CAMK2D: variants seen among roughly 807,000 people sequenced by gnomAD.
CAMK2D encodes calcium/calmodulin-dependent protein kinase type II subunit delta.
CAMK2D carries 37 observed loss-of-function variants against 84.0 expected under a neutral mutation model. That is an observed-to-expected ratio of 0.44 (90% confidence interval 0.34 to 0.58). CAMK2D has a LOEUF of 0.58. Among genes scored for constraint, CAMK2D ranks in the 20% least tolerant of loss-of-function variants. CAMK2D has a pLI of 0.02. For synonymous variants in CAMK2D, 202 were observed against 212.5 expected (o/e 0.95, Z 0.43); for missense variants, 448 against 652.5 (o/e 0.69, Z 3.41).
chr4:113,658,288 T>C (rs1456924577), intron 3 of CAMK2D, among the ~76,000 whole-genome samples: 2 of 152,150 alleles, frequency 1.3e-5, no homozygotes, highest in Non-Finnish European at 2.9e-5. Context: ...TCAATTAAGG[T>C]AAGATAAAAT....
intron 8 of CAMK2D, among the ~76,000 whole-genome samples, chr4:113,523,211 G>A (rs899535706): frequency 3.9e-5 from 6 of 152,248 alleles, no homozygotes; most frequent in Non-Finnish European, 7.4e-5. Context: ...TGTTATAGCA[G>A]CCTGAACTAA....
At chr4:113,697,022 A>G (rs1484922473) in intron 2 of CAMK2D, among the ~76,000 whole-genome samples, 12 of 152,120 alleles carry the variant, frequency 7.9e-5, no homozygotes, top group Admixed American at 7.2e-4. Context: ...ATGTCCCTCA[A>G]TGTCCAAGGA....
intron 3 of CAMK2D, among the ~76,000 whole-genome samples, chr4:113,628,367 C>T (rs1474643194): frequency 6.6e-6 from 1 of 151,998 alleles, no homozygotes; most frequent in East Asian, 1.9e-4. Flanking sequence ...AGAAATATAG[C>T]CTTGTTAATT....
chr4:113,713,464 A>G (rs1291049494), intron 2 of CAMK2D, among the ~76,000 whole-genome samples: 2 of 148,288 alleles, frequency 1.3e-5, no homozygotes, highest in Non-Finnish European at 3.0e-5. Flanking sequence ...GCATTATTAT[A>G]TGTAATATAA....
At chr4:113,468,210 T>C (rs1023554897) in intron 16 of CAMK2D, among the ~76,000 whole-genome samples, 1 of 152,178 alleles carries the variant, frequency 6.6e-6, no homozygotes, top group Non-Finnish European at 1.5e-5. Flanking sequence ...GAAATACGCA[T>C]TCACTCTTAA....
In CAMK2D at chr4:113,719,358, C is replaced by A. The variant is rs1267764179; in HGVS notation, c.160+39962G>T. 2.0e-5 allele frequency among the ~76,000 whole-genome samples: 3 copies of A among 152,250 alleles called. No homozygotes were observed. In the East Asian group the frequency reaches 5.8e-4, roughly 29 times the overall value. ...GCTTTAACCCAGTAACCTGAAGTAA[C>A]CTGATATTAACCAATTTGCTTTTCA... On this transcript the variant is annotated intron_variant, in intron 2 of 20. Coordinates refer to ENST00000511664, the MANE Select transcript of CAMK2D (RefSeq NM_001321571.2).
intron 2 of CAMK2D, among the ~76,000 whole-genome samples, chr4:113,747,320 A>AATTCAATAGGAAAAGCGTAT (rs2099606829): frequency 8.5e-6 from 1 of 117,546 alleles, no homozygotes; most frequent in Admixed American, 7.8e-5. Flanking sequence ...TTTTTTTTTT[A>AATTCAATAGGAAAAGCGTAT]AATTCAATAG....
intron 4 of CAMK2D, among the ~76,000 whole-genome samples, chr4:113,589,728 C>T (rs764798326): frequency 2.6e-5 from 4 of 152,034 alleles, no homozygotes; most frequent in Non-Finnish European, 5.9e-5. Context: ...CAACAGAATG[C>T]GCAAGTCTGG....
At chr4:113,465,751 A>C (rs766484058) in intron 16 of CAMK2D, 147 bp from the exon 17 acceptor site, 76 of 600,016 alleles carry the variant, frequency 1.3e-4, no homozygotes, top group Non-Finnish European at 1.3e-4. Context: ...TACAGCCTTG[A>C]CCTCCTGGGC....
chr4:113,463,779 T>G (rs1167884965), intron 17 of CAMK2D, among the ~76,000 whole-genome samples: 1 of 152,198 alleles, frequency 6.6e-6, no homozygotes, highest in Non-Finnish European at 1.5e-5. Flanking sequence ...TCCAGGTCGC[T>G]AGAAACTCAA....
chr4:113,597,401 GCTT>G (rs1210205381), intron 4 of CAMK2D, among the ~76,000 whole-genome samples: 1 of 152,114 alleles, frequency 6.6e-6, no homozygotes, highest in Non-Finnish European at 1.5e-5. Context: ...TTCACACTGC[GCTT>G]TTTTGTTATG....
intron 2 of CAMK2D, among the ~76,000 whole-genome samples, chr4:113,671,332 T>C (rs563582029): frequency 3.9e-5 from 6 of 152,338 alleles, no homozygotes; most frequent in African/African-American, 7.2e-5. Context: ...TTATTCATTT[T>C]TCTGTGACTG....
At position 113,537,425 on chromosome 4, in the gene CAMK2D, C is replaced by G. The variant is rs1045576763; in HGVS notation, c.433G>C (p.Ala145Pro). 2 of 1,607,028 alleles carry G rather than the reference C, an allele frequency of 1.2e-6. No individual in the cohort carries two copies. Among genetic ancestry groups the G allele is most frequent in the Non-Finnish European group, 8.5e-7 (1 of 1,174,294 alleles). ...RDLKPENLLLASKSKGAAVKL... is the reference protein window; with the variant it reads ...RDLKPENLLLPSKSKGAAVKL... Reference sequence around the variant, plus strand: ...ACAGCTGCTCCCTTGGATTTGCTAGCTAAAAGCAAATTCTCAGGCTTTATT... The same window carrying G: ...ACAGCTGCTCCCTTGGATTTGCTAGGTAAAAGCAAATTCTCAGGCTTTATT... The change falls in exon 7 of 21, where the codon GCT (alanine) becomes CCT (proline). Residue 145 changes from alanine to proline, a missense_variant. This residue lies in a region of CAMK2D where 60 missense variants were observed against 70.0 expected (regional missense o/e 0.86). Transcript: ENST00000511664.
chr4:113,734,516 T>C (rs2099576433), intron 2 of CAMK2D, among the ~76,000 whole-genome samples: 1 of 152,164 alleles, frequency 6.6e-6, no homozygotes, highest in South Asian at 2.1e-4. Context: ...TTTTTCCAAA[T>C]AGAAGGCATA....
chr4:113,594,129 A>C (rs764381663), intron 4 of CAMK2D, among the ~76,000 whole-genome samples: 1 of 152,196 alleles, frequency 6.6e-6, no homozygotes, highest in Non-Finnish European at 1.5e-5. Flanking sequence ...AGCAGGAACA[A>C]GAGAGAGAAG....
chr4:113,696,930 G>A (rs1354273062), intron 2 of CAMK2D, among the ~76,000 whole-genome samples: 2 of 151,946 alleles, frequency 1.3e-5, no homozygotes, highest in Non-Finnish European at 2.9e-5. Context: ...GGAGTACAGA[G>A]AAGGTAATGC....
chr4:113,520,981 A>ATCG (rs70961836), intron 8 of CAMK2D, among the ~76,000 whole-genome samples: 2 of 96,810 alleles, frequency 2.1e-5, no homozygotes, highest in Non-Finnish European at 5.4e-5. Context: ...GTGAACCATG[A>ATCG]TCACATCACT....
chr4:113,592,231 A>C (rs1056467389), intron 4 of CAMK2D, among the ~76,000 whole-genome samples: 6 of 152,150 alleles, frequency 3.9e-5, no homozygotes, highest in Non-Finnish European at 1.5e-5. Flanking sequence ...CTGTCTGCAA[A>C]GTCCAGGCTG....
chr4:113,661,711 A>G lies in CAMK2D; in HGVS notation c.220+2T>C. 7.4e-7 allele frequency: 1 copy of G among 1,346,818 alleles called. No homozygotes were observed. The highest frequency in any genetic ancestry group is 1.0e-6 in the Non-Finnish European group (1 of 982,342). 83.4% of individuals were successfully genotyped at this position (1,346,818 alleles called of 1,614,324 possible). A position where few individuals can be genotyped will look rare whatever the true frequency, so the allele number is the denominator to read the frequency against. Reference sequence around the variant, plus strand: ...TAAAAAACATTAAAAATACGTTCTCACCAATATTAGGGTGCTTCAAAAGAC... The same window carrying G: ...TAAAAAACATTAAAAATACGTTCTCGCCAATATTAGGGTGCTTCAAAAGAC... On this transcript the variant is annotated splice_donor_variant, in intron 3 of 20. Transcript: ENST00000511664. LOFTEE classifies it high-confidence loss of function.
Sources: allele counts gnomAD v4.1 joint callset (sites outside exome capture counted in the v4.1 genomes callset), GRCh38; gene constraint gnomAD v4.1.1; regional missense constraint gnomAD v4.1.1; transcripts MANE v1.5; gene names NCBI Gene and HGNC (gene_info 2026-07-23, HGNC 2026-07-21).